The following TRPM8 variants were observed in gnomAD, a reference collection of about 807,000 sequenced individuals.
TRPM8 encodes the protein TRPM8 cationic channel.
Under a neutral mutation model 133.7 loss-of-function variants are expected in TRPM8, and 110 were observed. The observed-to-expected ratio is 0.82, with a 90% CI of 0.70 to 0.96. The LOEUF is 0.96. Among genes scored for constraint, TRPM8 ranks in the 40% least tolerant of loss-of-function variants. TRPM8 has a pLI of 0.00. For missense variants in TRPM8, 1,291 were observed against 1,379.5 expected (o/e 0.94, Z 1.02); for synonymous variants, 535 against 532.3 (o/e 1.01, Z -0.07).
intron 17 of TRPM8, among the ~76,000 whole-genome samples, chr2:233,974,066 AG>A (rs1691802467): frequency 6.6e-6 from 1 of 152,198 alleles, no homozygotes; most frequent in Admixed American, 6.5e-5. Context: ...AGGGGCTGAA[AG>A]GGTGAGATTG....
chr2:233,960,813 T>A lies in TRPM8; in HGVS notation c.1400T>A (p.Ile467Lys). 1 of 1,614,182 alleles carries A rather than the reference T, an allele frequency of 6.2e-7. No homozygotes were observed. The highest frequency in any genetic ancestry group is 1.1e-5 in the South Asian group (1 of 91,086). ...DLQEVMFTAL[I>K]KDRPKFVRLF... ...CAAGAAGTCATGTTTACGGCTCTCA[T>A]AAAGGACAGACCCAAGTTTGTCCGC... Residue 467 changes from isoleucine (I) to lysine (K), a missense_variant, in exon 12 of 26, where the codon ATA (isoleucine) becomes AAA (lysine). This residue lies in a region of TRPM8 where 963 missense variants were observed against 968.9 expected (regional missense o/e 0.99). Coordinates refer to ENST00000324695, the MANE Select transcript of TRPM8 (RefSeq NM_024080.5).
intron 3 of TRPM8, among the ~76,000 whole-genome samples, chr2:233,931,757 G>T (rs941081068): frequency 2.0e-5 from 3 of 152,224 alleles, no homozygotes; most frequent in Admixed American, 6.5e-5. Context: ...TCTCTGCCTT[G>T]TCACTGGTAA....
At position 233,942,742 on chromosome 2, in the gene TRPM8, T is replaced by G. The variant is rs1332541267; in HGVS notation, c.693T>G (p.Asp231Glu). The change falls in exon 6 of 26, where the codon GAT (aspartate) becomes GAG (glutamate). Residue 231 changes from aspartate to glutamate, a missense_variant. Asp to Glu is a conservative substitution (Grantham distance 45). Coordinates refer to ENST00000324695, the MANE Select transcript of TRPM8 (RefSeq NM_024080.5). ...SNRDTLIRNC[D>E]AEGYFLAQYL... is the part of the protein sequence containing the mutation. ...GGGACACCCTCATCAGGAATTGCGA[T>G]GCTGAGGTACCGGTGGGACAGGAGG... The G allele has an allele frequency of 6.2e-7, 1 of 1,614,078 alleles. No homozygotes were observed. Among genetic ancestry groups the G allele is most frequent in the South Asian group, 1.1e-5 (1 of 91,074 alleles).
In TRPM8 at chr2:233,970,433, C is replaced by G. The variant is rs1389276078; in HGVS notation, c.2355+7C>G. On this transcript the variant is annotated splice_region_variant and intron_variant, in intron 17 of 25. Coordinates refer to ENST00000324695, the MANE Select transcript of TRPM8 (RefSeq NM_024080.5). ...CTGTGATGAAGTGAGACAGGTAGGG[C>G]TGCCATGACAGCAGGAACCCCCTCG... The G allele has an allele frequency of 6.2e-7, 1 of 1,613,324 alleles. No individual in the cohort carries two copies. Among genetic ancestry groups the G allele is most frequent in the Non-Finnish European group, 8.5e-7 (1 of 1,179,612 alleles).
chr2:233,991,183 T>C (rs762364280), intron 21 of TRPM8, among the ~76,000 whole-genome samples: 1 of 152,150 alleles, frequency 6.6e-6, no homozygotes, highest in Non-Finnish European at 1.5e-5. Flanking sequence ...GAGAGTCTTT[T>C]ATAGTATATT....
intron 8 of TRPM8, chr2:233,947,495 G>A: frequency 7.6e-7 from 1 of 1,322,184 alleles, no homozygotes; most frequent in Non-Finnish European, 9.9e-7. Flanking sequence ...GCATTGAGAT[G>A]AGCTGTGATC....
Position 233,947,014 on chromosome 2 carries a change from G to C in TRPM8, c.875-74G>C, listed in dbSNP as rs1049906233. ...CTAGGCTCACAGGGCAGAAGCTCTT[G>C]GTCCAACTTTTCACAGAGGTAGGTG... is the stretch of plus-strand genomic sequence containing the variant. On this transcript the variant is annotated intron_variant, in intron 7 of 25. Transcript: ENST00000324695. The C allele has an allele frequency of 5.4e-5, 75 of 1,388,804 alleles. No homozygotes were observed. The Admixed American group carries it at 6.0e-4, about 11-fold the overall frequency. The allele number at this position is 1,388,804 out of a possible 1,614,324, so 86.0% of individuals were successfully genotyped here. A position where few individuals can be genotyped will look rare whatever the true frequency, so the allele number is the denominator to read the frequency against.
intron 21 of TRPM8, among the ~76,000 whole-genome samples, chr2:233,993,701 G>C (rs1171960461): frequency 6.6e-6 from 1 of 152,104 alleles, no homozygotes; most frequent in East Asian, 1.9e-4. Context: ...CTTCCTACTT[G>C]GACTCTTGTG....
intron 1 of TRPM8, among the ~76,000 whole-genome samples, chr2:233,921,506 G>A (rs1390244907): frequency 6.6e-6 from 1 of 152,168 alleles, no homozygotes; most frequent in Non-Finnish European, 1.5e-5. Flanking sequence ...GTGCAAAGAT[G>A]AGGGCCGCCA....
chr2:233,972,085 A>C (rs980343901), intron 17 of TRPM8, among the ~76,000 whole-genome samples: 8 of 152,200 alleles, frequency 5.3e-5, no homozygotes, highest in African/African-American at 1.9e-4. Flanking sequence ...CAGAGTGTTG[A>C]TTGGTGCATT....
chr2:233,941,912 C>T lies in TRPM8; in HGVS notation c.527-664C>T, dbSNP rs56190759. On this transcript the variant is annotated intron_variant, in intron 5 of 25. Coordinates refer to ENST00000324695, the MANE Select transcript of TRPM8 (RefSeq NM_024080.5). ...TATGGGGGTCCAGGAGCAGAGTGCC[C>T]GACTTACCATGGTGGCATTGCCTAA... Among the ~76,000 whole-genome samples the T allele has an allele frequency of 8.1e-3, 1,237 of 151,968 alleles. 20 individuals carry two copies. The highest frequency in any genetic ancestry group is 0.028 in the African/African-American group (1,144 of 41,422).
intron 5 of TRPM8, among the ~76,000 whole-genome samples, chr2:233,940,687 G>A (rs1690883675): frequency 6.6e-6 from 1 of 151,666 alleles, no homozygotes; most frequent in Non-Finnish European, 1.5e-5. Flanking sequence ...AATGGCTGAA[G>A]TAGATATGAA....
At chr2:233,952,141 A>G (rs544422141) in intron 9 of TRPM8, among the ~76,000 whole-genome samples, 5 of 152,282 alleles carry the variant, frequency 3.3e-5, no homozygotes, top group African/African-American at 1.2e-4. Flanking sequence ...TCATTTATTA[A>G]TTTATTCAGT....
intron 5 of TRPM8, among the ~76,000 whole-genome samples, chr2:233,941,156 C>A (rs541756492): frequency 6.6e-6 from 1 of 152,218 alleles, no homozygotes; most frequent in South Asian, 2.1e-4. Flanking sequence ...ATCATAGTGA[C>A]GTATATGTCA....
chr2:233,956,078 A>T (rs1439203897), intron 11 of TRPM8, among the ~76,000 whole-genome samples: 1 of 152,182 alleles, frequency 6.6e-6, no homozygotes, highest in Admixed American at 6.6e-5. Context: ...TACATTATGG[A>T]GAGTAGTATA....
rs184088240 is a variant in TRPM8, at chr2:234,019,403, C to G, written c.*2147C>G. On this transcript the variant is annotated 3_prime_UTR_variant, in exon 26 of 26. Coordinates refer to ENST00000324695, the MANE Select transcript of TRPM8 (RefSeq NM_024080.5). ...ATAATGTATTGAACATACTTCTAAT[C>G]AAAGGTGCTATGTCCTTGTGTATGG... is the stretch of plus-strand genomic sequence containing the variant. 6.6e-6 allele frequency: 1 copy of G among 152,138 alleles called. No homozygotes were observed. The highest frequency in any genetic ancestry group is 6.5e-5 in the Admixed American group (1 of 15,274). 9.4% of individuals were successfully genotyped at this position (152,138 alleles called of 1,614,324 possible).
At chr2:233,996,192 C>T in intron 21 of TRPM8, 134 bp from the exon 22 acceptor site, 1 of 652,520 alleles carries the variant, frequency 1.5e-6, no homozygotes, top group South Asian at 3.6e-5. Context: ...GCTCGTGTAT[C>T]ACTCTGGATT....
At chr2:234,005,884 C>T (rs974464844) in intron 22 of TRPM8, among the ~76,000 whole-genome samples, 2 of 151,050 alleles carry the variant, frequency 1.3e-5, no homozygotes, top group Non-Finnish European at 2.9e-5. Context: ...GCCGAGATTG[C>T]ACCACTGCAC....
Position 233,983,231 on chromosome 2 carries a change from C to A in TRPM8, c.2761+7C>A. 6.2e-7 allele frequency: 1 copy of A among 1,614,050 alleles called. No homozygotes were observed. The highest frequency in any genetic ancestry group is 1.7e-5 in the Admixed American group (1 of 60,028). ...GTGCCCAGTGACGTGGATGGTAAGC[C>A]TGACTTGGCTCAGATGGAAACAGCT... On this transcript the variant is annotated splice_region_variant and intron_variant, in intron 20 of 25. Coordinates refer to ENST00000324695, the MANE Select transcript of TRPM8 (RefSeq NM_024080.5).
Sources: gnomAD v4.1 joint callset for allele counts (sites outside exome capture counted in the v4.1 genomes callset) on GRCh38, gnomAD v4.1.1 for gene constraint, gnomAD v4.1.1 regional missense constraint, MANE v1.5 for transcripts, NCBI Gene and HGNC (gene_info 2026-07-23, HGNC 2026-07-21) for gene names.